GRIN2B: variants seen among roughly 807,000 people sequenced by gnomAD.
The protein encoded by GRIN2B is glutamate receptor ionotropic, NMDA 2B.
In GRIN2B, 5 loss-of-function variants were observed where a neutral mutation model predicts 114.5. The ratio of observed to expected loss-of-function variants is 0.04; its 90% CI spans 0.02 to 0.09. GRIN2B has a LOEUF of 0.09. Ranked by LOEUF, GRIN2B falls within the 10% of genes least tolerant of loss-of-function variation. GRIN2B has a pLI of 1.00. For synonymous variants in GRIN2B, 787 were observed against 745.1 expected (o/e 1.06, Z -0.92); for missense variants, 1,108 against 1,943.5 (o/e 0.57, Z 8.08).
chr12:13,756,982 G>A (rs1188330592), intron 3 of GRIN2B, among the ~76,000 whole-genome samples: 2 of 152,310 alleles, frequency 1.3e-5, no homozygotes, highest in East Asian at 1.9e-4. Flanking sequence ...ATGAGAGTGA[G>A]AAATGAGAAA....
At chr12:13,852,214 G>A (rs991811431) in intron 3 of GRIN2B, among the ~76,000 whole-genome samples, 2 of 152,124 alleles carry the variant, frequency 1.3e-5, no homozygotes, top group Non-Finnish European at 2.9e-5. Flanking sequence ...TACCTCAGAA[G>A]CTCACCCCAG....
intron 3 of GRIN2B, among the ~76,000 whole-genome samples, chr12:13,756,024 T>A (rs1414071106): frequency 6.6e-6 from 1 of 151,920 alleles, no homozygotes; most frequent in East Asian, 1.9e-4. Flanking sequence ...TAAGTTTCTG[T>A]TCTTTTTTAT....
At chr12:13,670,800 C>G (rs1489738752) in intron 5 of GRIN2B, among the ~76,000 whole-genome samples, 1 of 152,116 alleles carries the variant, frequency 6.6e-6, no homozygotes, top group Non-Finnish European at 1.5e-5. Context: ...TCTCCACATT[C>G]CTACATACCA....
Position 13,615,739 on chromosome 12 carries a change from C to A in GRIN2B, c.1329-75G>T. 7.6e-7 allele frequency: 1 copy of A among 1,321,258 alleles called. No homozygotes were observed. Among genetic ancestry groups the A allele is most frequent in the Non-Finnish European group, 1.1e-6 (1 of 914,508 alleles). 81.8% of individuals were successfully genotyped at this position (1,321,258 alleles called of 1,614,324 possible). A position where few individuals can be genotyped will look rare whatever the true frequency, so the allele number is the denominator to read the frequency against. On this transcript the variant is annotated intron_variant, in intron 6 of 13. Coordinates refer to ENST00000609686, the MANE Select transcript of GRIN2B (RefSeq NM_000834.5). The surrounding 1 kb of genome is among the most constrained non-coding windows in gnomAD (Gnocchi z 5.8). ...AAAAGCCAACATTTATTACCCTTTG[C>A]CATTAAAAAACCTCCAATCCCAAAG...
At chr12:13,883,191 G>A (rs1329102283) in intron 2 of GRIN2B, among the ~76,000 whole-genome samples, 1 of 152,194 alleles carries the variant, frequency 6.6e-6, no homozygotes, top group African/African-American at 2.4e-5. Context: ...CACTTTTGGT[G>A]ATCATGAATA....
At chr12:13,568,493 T>G (rs1324803887) in intron 12 of GRIN2B, among the ~76,000 whole-genome samples, 1 of 152,218 alleles carries the variant, frequency 6.6e-6, no homozygotes, top group Admixed American at 6.5e-5. Flanking sequence ...CAAAATGGCT[T>G]GGTAACACTC....
chr12:13,760,937 A>C (rs1389276130), intron 3 of GRIN2B, among the ~76,000 whole-genome samples: 1 of 152,210 alleles, frequency 6.6e-6, no homozygotes, highest in East Asian at 1.9e-4. Context: ...GTTCTTTAGC[A>C]TGGCTTTGAA....
At chr12:13,900,244 AG>A (rs1866422176) in intron 2 of GRIN2B, among the ~76,000 whole-genome samples, 1 of 151,886 alleles carries the variant, frequency 6.6e-6, no homozygotes, top group Non-Finnish European at 1.5e-5. Context: ...GAGGCCAAGG[AG>A]GGTGGATCAC....
intron 9 of GRIN2B, 90 bp from the exon 10 acceptor site, chr12:13,608,922 G>A: frequency 1.1e-6 from 1 of 930,784 alleles, no homozygotes; most frequent in Non-Finnish European, 1.7e-6. Context: ...TCCCTGCTCA[G>A]AGCAGGAAAC....
intron 4 of GRIN2B, among the ~76,000 whole-genome samples, chr12:13,744,552 A>C (rs1863341958): frequency 6.6e-6 from 1 of 152,164 alleles, no homozygotes; most frequent in Non-Finnish European, 1.5e-5. Flanking sequence ...TGAACAAAAC[A>C]CCCAATAAAG....
intron 1 of GRIN2B, among the ~76,000 whole-genome samples, chr12:13,980,819 ACCC>A: frequency 6.6e-6 from 1 of 151,662 alleles, no homozygotes; most frequent in African/African-American, 2.4e-5. Context: ...GCCGCCTCCC[ACCC>A]CGGGCTTGTG....
At chr12:13,593,480 A>C (rs2136444349) in intron 10 of GRIN2B, among the ~76,000 whole-genome samples, 1 of 152,354 alleles carries the variant, frequency 6.6e-6, no homozygotes, top group Middle Eastern at 3.4e-3. Flanking sequence ...TGTTGGGAAA[A>C]GTGGCTAGCC....
At chr12:13,902,400 A>C (rs1454806718) in intron 2 of GRIN2B, among the ~76,000 whole-genome samples, 1 of 152,206 alleles carries the variant, frequency 6.6e-6, no homozygotes. Flanking sequence ...TCAATTCATA[A>C]TGCTTTACAT....
At chr12:13,850,334 T>G (rs545914634) in intron 3 of GRIN2B, among the ~76,000 whole-genome samples, 1 of 152,156 alleles carries the variant, frequency 6.6e-6, no homozygotes, top group Admixed American at 6.5e-5. Context: ...CAGAAAAAAA[T>G]TCCCCCAATC....
At chr12:13,917,902 G>C (rs932559645) in intron 2 of GRIN2B, among the ~76,000 whole-genome samples, 3 of 151,896 alleles carry the variant, frequency 2.0e-5, no homozygotes, top group Non-Finnish European at 4.4e-5. Context: ...TTTTGTTTTT[G>C]TTTTTGTTTT....
intron 5 of GRIN2B, chr12:13,634,332 C>T (rs1176087624): frequency 1.3e-5 from 2 of 152,198 alleles, no homozygotes; most frequent in South Asian, 2.1e-4. Context: ...ACTGCCATAA[C>T]AAATAGTCTG....
Position 13,897,323 on chromosome 12 carries a change from T to G in GRIN2B, c.-18-31097A>C, listed in dbSNP as rs1367100296. 2.0e-5 allele frequency among the ~76,000 whole-genome samples: 3 copies of G among 151,930 alleles called. 1 individual carries two copies. The South Asian group carries it at 6.2e-4, about 32-fold the overall frequency. On this transcript the variant is annotated intron_variant, in intron 2 of 13. Coordinates refer to ENST00000609686, the MANE Select transcript of GRIN2B (RefSeq NM_000834.5). ...CCCATCACTTACTCCATTAGCACAC[T>G]CTAAATAAAAGACTCCCCAGCCCTG...
chr12:13,656,710 GA>G (rs1949867683), intron 5 of GRIN2B, among the ~76,000 whole-genome samples: 1 of 152,122 alleles, frequency 6.6e-6, no homozygotes, highest in Admixed American at 6.5e-5. Flanking sequence ...TCTAAGAAAT[GA>G]AGTTCTAAAA....
chr12:13,690,955 T>A (rs1950211594), intron 4 of GRIN2B, among the ~76,000 whole-genome samples: 1 of 152,194 alleles, frequency 6.6e-6, no homozygotes, highest in African/African-American at 2.4e-5. Flanking sequence ...AACATTGAGA[T>A]GAGGAGGTCT....
Sources: allele counts gnomAD v4.1 joint callset (sites outside exome capture counted in the v4.1 genomes callset), GRCh38; gene constraint gnomAD v4.1.1; non-coding constraint Gnocchi (gnomAD v3.1); transcripts MANE v1.5; gene names NCBI Gene and HGNC (gene_info 2026-07-23, HGNC 2026-07-21).